The following MCM3AP variants were observed in gnomAD, a reference collection of about 807,000 sequenced individuals.
The protein encoded by MCM3AP is minichromosome maintenance complex component 3 associated protein, also known as germinal-center associated nuclear protein.
A neutral mutation model predicts 184.1 loss-of-function variants in MCM3AP; 126 were observed. That is an observed-to-expected ratio of 0.68 (90% CI 0.59 to 0.79). The LOEUF is 0.79. Ranked by LOEUF, MCM3AP falls within the 30% of genes least tolerant of loss-of-function variation. The probability of loss-of-function intolerance (pLI) is 0.00; values close to 1 mark genes in which losing one functional copy is unlikely to be tolerated. For synonymous variants in MCM3AP, 1,002 were observed against 979.3 expected, an observed-to-expected ratio of 1.02 and a Z score of -0.43; for missense variants, 2,496 against 2,479.2, an observed-to-expected ratio of 1.01 and a Z score of -0.14.
intron 16 of MCM3AP, among the ~76,000 whole-genome samples, chr21:46,257,909 A>G (rs1201674631): frequency 7.2e-6 from 1 of 138,088 alleles, no homozygotes; most frequent in East Asian, 2.1e-4. Flanking sequence ...TGGGCGACAG[A>G]GTGAGACTCC....
rs777166582 is a variant in MCM3AP, at chr21:46,246,636, A to G, written c.4541T>C (p.Val1514Ala). The change falls in exon 21 of 28, where the codon GTA (valine) becomes GCA (alanine). Residue 1514 changes from valine to alanine, a missense_variant. Physicochemically the swap from Val to Ala is moderately conservative, Grantham distance 64. Coordinates refer to ENST00000291688, the MANE Select transcript of MCM3AP (RefSeq NM_003906.5). ...SPGGDAVEKE[V>A]EDGLMLQDLV... ...AGACTTCCTTCACAAACCATCTTCT[A>G]CTTCCTTCTCAACGGCGTCCCCTCC... 1 of 1,610,474 alleles carries G rather than the reference A, an allele frequency of 6.2e-7. No individual in the cohort carries two copies. The highest frequency in any genetic ancestry group is 1.1e-5 in the South Asian group (1 of 91,056).
Position 46,266,031 on chromosome 21 carries a change from A to AGGGAC in MCM3AP, c.2920_2924dup (p.Arg976SerfsTer47). 5.0e-6 allele frequency: 8 copies of AGGGAC among 1,612,120 alleles called. No homozygotes were observed. The highest frequency in any genetic ancestry group is 6.8e-6 in the Non-Finnish European group (8 of 1,179,132). On this transcript the variant is annotated frameshift_variant, in exon 11 of 28. Transcript: ENST00000291688. LOFTEE classifies it high-confidence loss of function. ...TGAAGCTGCACACAGGGGTATGACG[A>AGGGAC]GGGACGGGGGGCAATGGCCCTCCGT...
chr21:46,273,165 G>A (rs887538632), intron 7 of MCM3AP, among the ~76,000 whole-genome samples: 6 of 152,106 alleles, frequency 3.9e-5, no homozygotes, highest in African/African-American at 9.7e-5. Flanking sequence ...AGTAGAGATG[G>A]GGTTTAACCA....
chr21:46,265,662 A>ACG (rs780316897), intron 11 of MCM3AP, 139 bp from the exon 12 acceptor site: 2 of 761,930 alleles, frequency 2.6e-6, no homozygotes, highest in Non-Finnish European at 4.1e-6. Flanking sequence ...GAGACCAGCT[A>ACG]CGTGGGACAA....
intron 20 of MCM3AP, chr21:46,249,826 C>CT (rs2080840461): frequency 4.1e-6 from 1 of 242,630 alleles, no homozygotes. Flanking sequence ...CCTGCAGAGG[C>CT]TTGGGCAGTT....
In MCM3AP at chr21:46,244,978, C is replaced by T. The variant is rs144496882; in HGVS notation, c.4867G>A (p.Val1623Met). The change falls in exon 23 of 28, where the codon GTG becomes ATG. Residue 1623 changes from valine to methionine, a missense_variant. By Grantham distance (21) the Val-to-Met change is conservative. This residue lies in a region of MCM3AP where 1,323 missense variants were observed against 1,273.4 expected (regional missense o/e 1.04). Transcript: ENST00000291688. ...NSVLQFLASV[V>M]SSEQLCDLSW... Reference sequence around the variant, plus strand: ...AGGTCACACAGCTGTTCAGAGGACACCACAGAAGCCAGGAACTGCAGCACA... The same window carrying T: ...AGGTCACACAGCTGTTCAGAGGACATCACAGAAGCCAGGAACTGCAGCACA... 2.4e-5 allele frequency: 38 copies of T among 1,614,214 alleles called. No individual in the cohort carries two copies. The East Asian group carries it at 4.9e-4, about 21-fold the overall frequency.
rs768800540 is a variant in MCM3AP at position 46,265,497 on chromosome 21, C to T, written c.3058G>A (p.Val1020Ile). 11 of 1,607,524 alleles carry T rather than the reference C, an allele frequency of 6.8e-6. 1 individual carries two copies. The South Asian group carries it at 1.0e-4, about 15-fold the overall frequency. Residue 1020 changes from valine to isoleucine, a missense_variant, in exon 12 of 28, where the codon GTA becomes ATA. Coordinates refer to ENST00000291688, the MANE Select transcript of MCM3AP (RefSeq NM_003906.5). The stretch of plus-strand genomic sequence containing the variant: ...CTGGACAGGGGTGCATCCGGCTCTA[C>T]ACCACACTCCTCTCCTCTCCCTCCG... ...VGGGRGEECG[V>I]EPDAPLSSLP...
chr21:46,240,987 T>C lies in MCM3AP; in HGVS notation c.5457A>G (p.Ala1819=), dbSNP rs778959658. ...RLAIKPFHPS[A]NNFPIPLLHM... is the part of the protein sequence containing the mutation. ...GAAGCAATGGTATGGGAAAATTGTT[T>C]GCAGAAGGATGAAAAGGCTTTATTG... Residue 1819 remains alanine (A), a synonymous_variant, in exon 26 of 28, where the codon GCA becomes GCG. Coordinates refer to ENST00000291688, the MANE Select transcript of MCM3AP (RefSeq NM_003906.5). 8.7e-6 allele frequency: 14 copies of C among 1,613,866 alleles called. No individual in the cohort carries two copies. Among genetic ancestry groups the C allele is most frequent in the Non-Finnish European group, 1.1e-5 (13 of 1,180,010 alleles).
Position 46,236,721 on chromosome 21 carries a change from G to T in MCM3AP, c.5784+108C>A. On this transcript the variant is annotated intron_variant, in intron 27 of 27. Transcript: ENST00000291688. ...AAGGTCTAATTTGAGCTAATAATTT[G>T]TCGGTCATCAAAACATCATAGGATA... 3 of 732,228 alleles carry T rather than the reference G, an allele frequency of 4.1e-6. 1 individual carries two copies. In the South Asian group the frequency reaches 6.0e-5, roughly 15 times the overall value. 45.4% of individuals were successfully genotyped at this position (732,228 alleles called of 1,614,324 possible).
chr21:46,250,584 T>C (rs1012778835), intron 20 of MCM3AP: 3 of 152,250 alleles, frequency 2.0e-5, no homozygotes, highest in African/African-American at 7.2e-5. Flanking sequence ...GAGGCCCATG[T>C]GGCAGGAACT....
chr21:46,283,894 C>T, intron 1 of MCM3AP, 56 bp from the exon 2 acceptor site: 1 of 1,558,666 alleles, frequency 6.4e-7, no homozygotes, highest in South Asian at 1.1e-5. Flanking sequence ...CAACAGGAGG[C>T]ACCAACTGTG....
intron 24 of MCM3AP, 144 bp from the exon 25 acceptor site, chr21:46,243,075 T>G: frequency 1.3e-6 from 1 of 749,060 alleles, no homozygotes; most frequent in Non-Finnish European, 2.1e-6. Context: ...ATTCACTGAT[T>G]TAAGTGCAAG....
At chr21:46,258,775 A>C in intron 16 of MCM3AP, 164 bp downstream of exon 16, 1 of 653,080 alleles carries the variant, frequency 1.5e-6, no homozygotes. Flanking sequence ...GTATTTCTGA[A>C]ATGCAGTATA....
chr21:46,257,249 C>T (rs17183004), intron 16 of MCM3AP, among the ~76,000 whole-genome samples: 4 of 151,906 alleles, frequency 2.6e-5, no homozygotes, highest in Admixed American at 2.6e-4. Context: ...CCAAGGCGGG[C>T]GGACTGCCTG....
At chr21:46,260,985 G>A (rs2081033890) in intron 14 of MCM3AP, 79 bp from the exon 15 acceptor site, 23 of 1,169,284 alleles carry the variant, frequency 2.0e-5, no homozygotes, top group Admixed American at 5.4e-5. Context: ...CCCTGGCCAC[G>A]CAGACAGGGA....
In MCM3AP at chr21:46,265,454, G is replaced by A; in HGVS notation, c.3101C>T (p.Pro1034Leu). ...APLSSLPQSL[P>L]APAPSPVPLP... is the part of the protein sequence containing the mutation. ...AGGCACTGGTGAGGGCGCAGGGGCTGGTAGAGACTGTGGGAGACTGGACAG... is the reference window on the plus strand; with the variant it reads ...AGGCACTGGTGAGGGCGCAGGGGCTAGTAGAGACTGTGGGAGACTGGACAG... The change falls in exon 12 of 28, where the codon CCA becomes CTA. Residue 1034 changes from proline (P) to leucine (L), a missense_variant. Pro to Leu is a moderately conservative substitution (Grantham distance 98, BLOSUM62 -3). This residue lies in a region of MCM3AP where 1,323 missense variants were observed against 1,273.4 expected (regional missense o/e 1.04). Transcript: ENST00000291688. 1.9e-6 allele frequency: 3 copies of A among 1,613,872 alleles called. No individual in the cohort carries two copies. The highest frequency in any genetic ancestry group is 2.5e-6 in the Non-Finnish European group (3 of 1,179,866).
At chr21:46,270,328 A>G in intron 9 of MCM3AP, 73 bp downstream of exon 9, 1 of 1,438,442 alleles carries the variant, frequency 7.0e-7, no homozygotes, top group Non-Finnish European at 9.5e-7. Context: ...AAAGCTTGGA[A>G]TAAGAAAGCA....
chr21:46,247,606 C>CT (rs1308709812), intron 20 of MCM3AP: 1 of 152,030 alleles, frequency 6.6e-6, no homozygotes, highest in Admixed American at 6.6e-5. Context: ...ATCAGCCTGC[C>CT]TCGGCCTCCC....
intron 19 of MCM3AP, 75 bp downstream of exon 19, chr21:46,254,317 A>C (rs951636001): frequency 1.3e-6 from 2 of 1,546,166 alleles, no homozygotes; most frequent in Admixed American, 1.7e-5. Context: ...TAAGAGGAAT[A>C]CCCGGCCCTG....
Sources: allele counts gnomAD v4.1 joint callset (sites outside exome capture counted in the v4.1 genomes callset), GRCh38; gene constraint gnomAD v4.1.1; regional missense constraint gnomAD v4.1.1; transcripts MANE v1.5; gene names NCBI Gene and HGNC (gene_info 2026-07-23, HGNC 2026-07-21).